SLC35D1: variants seen among roughly 807,000 people sequenced by gnomAD.
SLC35D1 encodes the protein solute carrier family 35 member D1, also known as nucleotide sugar transporter SLC35D1.
In SLC35D1, 31 loss-of-function variants were observed where a neutral mutation model predicts 46.7. The ratio of observed to expected loss-of-function variants is 0.66; its 90% CI spans 0.50 to 0.90. SLC35D1 has a LOEUF of 0.90. SLC35D1 is among the 40% of genes least tolerant of loss of function. SLC35D1 has a pLI of 0.00. For synonymous variants in SLC35D1, 195 were observed against 164.6 expected (o/e 1.18, Z -1.41); for missense variants, 397 against 426.2 (o/e 0.93, Z 0.60).
chr1:66,987,285 C>G, the SLC35D1 span: 1 of 151,582 alleles, frequency 6.6e-6, no homozygotes, highest in Non-Finnish European at 1.5e-5. Context: ...TTAGTAATAT[C>G]ATGAATTTAA....
the SLC35D1 span, among the ~76,000 whole-genome samples, chr1:66,981,570 T>C: frequency 7.9e-5 from 12 of 152,328 alleles, no homozygotes; most frequent in East Asian, 2.3e-3. Context: ...TTTGTTACTT[T>C]AAAGCCGTTA....
chr1:67,012,402 CT>C (rs1667584696), intron 10 of SLC35D1, among the ~76,000 whole-genome samples: 1 of 152,026 alleles, frequency 6.6e-6, no homozygotes. Context: ...TCTATGCCCT[CT>C]CCAAGAACAC....
At chr1:67,020,469 A>C (rs1558154619) in intron 9 of SLC35D1, 22 bp from the exon 10 acceptor site, 2 of 1,528,626 alleles carry the variant, frequency 1.3e-6, no homozygotes, top group Non-Finnish European at 1.8e-6. Flanking sequence ...AAAGAGGTAT[A>C]AAATCCAGTT....
chr1:67,048,459 G>A (rs1645273221), intron 6 of SLC35D1, among the ~76,000 whole-genome samples: 1 of 152,220 alleles, frequency 6.6e-6, no homozygotes, highest in South Asian at 2.1e-4. Flanking sequence ...GGGGGAATAT[G>A]ACATAGAAGG....
intron 8 of SLC35D1, among the ~76,000 whole-genome samples, chr1:67,035,533 G>A (rs1668105376): frequency 6.6e-6 from 1 of 152,052 alleles, no homozygotes; most frequent in African/African-American, 2.4e-5. Context: ...GGTATCAGTT[G>A]TAACGTCTCC....
intron 10 of SLC35D1, among the ~76,000 whole-genome samples, chr1:67,013,157 GAT>G (rs964691631): frequency 3.4e-5 from 1 of 29,832 alleles, no homozygotes; most frequent in Non-Finnish European, 5.7e-5. Context: ...ATATCCTGGA[GAT>G]ATATATATAT....
rs1273649718 is a variant in SLC35D1 at position 67,000,816 on chromosome 1, T to C, written c.*3524A>G. The C allele has an allele frequency of 6.6e-6, 1 of 152,346 alleles. No homozygotes were observed. Among genetic ancestry groups the C allele is most frequent in the Non-Finnish European group, 1.5e-5 (1 of 68,040 alleles). 9.4% of individuals were successfully genotyped at this position (152,346 alleles called of 1,614,324 possible). A position where few individuals can be genotyped will look rare whatever the true frequency, so the allele number is the denominator to read the frequency against. ...AGTAGAGGAGGAGGCCTCAAGCTAC[T>C]TACAGAATTCTAAGAGCTGTGTTGC... is the stretch of plus-strand genomic sequence containing the variant. On this transcript the variant is annotated 3_prime_UTR_variant, in exon 12 of 12. Transcript: ENST00000235345.
intron 8 of SLC35D1, among the ~76,000 whole-genome samples, chr1:67,024,937 A>G (rs1667888433): frequency 6.6e-6 from 1 of 152,152 alleles, no homozygotes. Context: ...TTGTAGAGAC[A>G]GGGTCTTGCT....
At chr1:66,984,446 C>T in the SLC35D1 span, 1 of 666,766 alleles carries the variant, frequency 1.5e-6, no homozygotes, top group East Asian at 2.7e-5. Context: ...AGTAATAGAG[C>T]AAGAATTTAG....
chr1:67,042,189 T>C (rs767186143), intron 8 of SLC35D1, 47 bp downstream of exon 8: 1 of 1,460,354 alleles, frequency 6.8e-7, no homozygotes, highest in Non-Finnish European at 9.6e-7. Context: ...TAAATAATAA[T>C]GCAGTTCATC....
chr1:67,050,127 C>A (rs911585117), intron 5 of SLC35D1, among the ~76,000 whole-genome samples: 1 of 152,064 alleles, frequency 6.6e-6, no homozygotes, highest in Non-Finnish European at 1.5e-5. Flanking sequence ...ATGTCACATT[C>A]ATTTGGAGCT....
intron 11 of SLC35D1, among the ~76,000 whole-genome samples, chr1:67,007,654 C>T (rs1667479526): frequency 6.6e-6 from 1 of 152,100 alleles, no homozygotes; most frequent in African/African-American, 2.4e-5. Context: ...CATCAACGAG[C>T]ATACTATGTG....
the SLC35D1 span, among the ~76,000 whole-genome samples, chr1:66,975,154 ATTTAC>A: frequency 3.9e-5 from 6 of 152,200 alleles, no homozygotes; most frequent in Non-Finnish European, 8.8e-5. Flanking sequence ...GCTACAGAAT[ATTTAC>A]TTCAAGAGCA....
In SLC35D1 at chr1:67,001,781, C is replaced by G. The variant is rs1034758360; in HGVS notation, c.*2559G>C. Reference sequence around the variant, plus strand: ...TTCAGTCTCCAGCTTGTTCACCCTGCTCCATCTTGCAATGCTGGTTAGTGG... The same window carrying G: ...TTCAGTCTCCAGCTTGTTCACCCTGGTCCATCTTGCAATGCTGGTTAGTGG... On this transcript the variant is annotated 3_prime_UTR_variant, in exon 12 of 12. Transcript: ENST00000235345. 6.6e-6 allele frequency: 1 copy of G among 152,500 alleles called. No individual in the cohort carries two copies. Among genetic ancestry groups the G allele is most frequent in the Non-Finnish European group, 1.5e-5 (1 of 68,128 alleles). 9.4% of individuals were successfully genotyped at this position (152,500 alleles called of 1,614,324 possible).
the SLC35D1 span, among the ~76,000 whole-genome samples, chr1:66,983,814 G>A: frequency 2.6e-5 from 4 of 152,082 alleles, no homozygotes; most frequent in East Asian, 1.9e-4. Flanking sequence ...TGCAACCTCC[G>A]CCTCCTGGGT....
intron 8 of SLC35D1, among the ~76,000 whole-genome samples, chr1:67,029,603 T>C (rs532156229): frequency 3.0e-4 from 46 of 152,308 alleles, no homozygotes; most frequent in Non-Finnish European, 4.9e-4. Context: ...TGGCAGTAGA[T>C]TAAACATCCA....
chr1:67,007,771 C>T (rs1667481901), intron 11 of SLC35D1, among the ~76,000 whole-genome samples: 1 of 152,072 alleles, frequency 6.6e-6, no homozygotes, highest in African/African-American at 2.4e-5. Context: ...TGAGGAAAAG[C>T]CCAGATTTGA....
chr1:67,003,028 G>A lies in SLC35D1; in HGVS notation c.*1312C>T, dbSNP rs1385511725. On this transcript the variant is annotated 3_prime_UTR_variant, in exon 12 of 12. Transcript: ENST00000235345. ...CATTGGTTTTGAGAGAAGTTGGCAAGCTCAGTAGGTGAGCCAAGGGGCACA... is the reference window on the plus strand; with the variant it reads ...CATTGGTTTTGAGAGAAGTTGGCAAACTCAGTAGGTGAGCCAAGGGGCACA... 2.6e-5 allele frequency: 4 copies of A among 152,380 alleles called. No homozygotes were observed. The highest frequency in any genetic ancestry group is 9.7e-5 in the African/African-American group (4 of 41,446). 9.4% of individuals were successfully genotyped at this position (152,380 alleles called of 1,614,324 possible).
At chr1:67,038,971 T>G (rs1369676414) in intron 8 of SLC35D1, among the ~76,000 whole-genome samples, 2 of 152,148 alleles carry the variant, frequency 1.3e-5, no homozygotes, top group Non-Finnish European at 2.9e-5. Flanking sequence ...GTAATATATT[T>G]CGTTTTTTTC....
Sources: allele counts gnomAD v4.1 joint callset (sites outside exome capture counted in the v4.1 genomes callset), GRCh38; gene constraint gnomAD v4.1.1; transcripts MANE v1.5; gene names NCBI Gene and HGNC (gene_info 2026-07-23, HGNC 2026-07-21).